Variants in GPC5 observed in about 807,000 individuals in gnomAD.
GPC5 encodes glypican 5.
A neutral mutation model predicts 53.9 loss-of-function variants in GPC5; 47 were observed. That is an observed-to-expected ratio of 0.87 (90% CI 0.69 to 1.11). The LOEUF (loss-of-function observed/expected upper bound fraction) is 1.11. Ranked by LOEUF, GPC5 falls within the 50% of genes most tolerant of loss-of-function variation. The probability of loss-of-function intolerance (pLI) is 0.00; values close to 1 mark genes in which losing one functional copy is unlikely to be tolerated. For missense variants in GPC5, 748 were observed against 713.1 expected, an observed-to-expected ratio of 1.05 and a Z score of -0.56; for synonymous variants, 286 against 263.3, an observed-to-expected ratio of 1.09 and a Z score of -0.84.
intron 2 of GPC5, among the ~76,000 whole-genome samples, chr13:91,520,587 T>C (rs1368307508): frequency 1.3e-5 from 2 of 152,162 alleles, no homozygotes; most frequent in Non-Finnish European, 2.9e-5. Context: ...ACTGCCTTTA[T>C]AGATTTCCAA....
At chr13:92,314,376 A>T (rs1210097455) in intron 7 of GPC5, among the ~76,000 whole-genome samples, 1 of 152,154 alleles carries the variant, frequency 6.6e-6, no homozygotes, top group Non-Finnish European at 1.5e-5. Flanking sequence ...CATTAGTCAC[A>T]CCCCAAAGAG....
chr13:92,675,081 AC>A (rs1886890743), intron 7 of GPC5, among the ~76,000 whole-genome samples: 2 of 152,100 alleles, frequency 1.3e-5, no homozygotes, highest in Admixed American at 1.3e-4. Flanking sequence ...ATACTTCTTT[AC>A]TTTTGATACT....
chr13:92,293,506 G>T (rs764297052), intron 7 of GPC5, among the ~76,000 whole-genome samples: 2 of 145,574 alleles, frequency 1.4e-5, no homozygotes, highest in Non-Finnish European at 3.0e-5. Context: ...GTCGCTGTCA[G>T]TGTGTAAGAA....
chr13:91,846,552 T>C (rs2138882009), intron 5 of GPC5, among the ~76,000 whole-genome samples: 1 of 152,178 alleles, frequency 6.6e-6, no homozygotes, highest in East Asian at 1.9e-4. Context: ...CTTTGTGAAG[T>C]GCAAGTTCAC....
At chr13:92,416,457 A>C (rs1362488690) in intron 7 of GPC5, among the ~76,000 whole-genome samples, 1 of 152,224 alleles carries the variant, frequency 6.6e-6, no homozygotes, top group Non-Finnish European at 1.5e-5. Flanking sequence ...AAGAGCTAAG[A>C]CAAAGCAATG....
At chr13:92,132,027 G>T (rs1376334849) in intron 6 of GPC5, among the ~76,000 whole-genome samples, 1 of 151,828 alleles carries the variant, frequency 6.6e-6, no homozygotes, top group African/African-American at 2.4e-5. Context: ...GTCCACCAAG[G>T]GCAGAATGTA....
intron 6 of GPC5, among the ~76,000 whole-genome samples, chr13:92,027,044 G>A (rs1399199526): frequency 6.6e-6 from 1 of 152,146 alleles, no homozygotes; most frequent in Non-Finnish European, 1.5e-5. Context: ...AAGCAAAATT[G>A]ACTAGATTTT....
intron 7 of GPC5, among the ~76,000 whole-genome samples, chr13:92,545,045 A>G (rs933780819): frequency 1.3e-5 from 2 of 151,880 alleles, no homozygotes; most frequent in Non-Finnish European, 2.9e-5. Flanking sequence ...CATTAGGTAT[A>G]TCTCCTAATG....
intron 6 of GPC5, among the ~76,000 whole-genome samples, chr13:92,127,142 A>C (rs780943338): frequency 1.1e-4 from 17 of 152,094 alleles, no homozygotes; most frequent in Non-Finnish European, 1.9e-4. Context: ...AAGTTTGAGG[A>C]AACAGCGAAA....
At chr13:92,252,390 G>T (rs578173361) in intron 7 of GPC5, among the ~76,000 whole-genome samples, 20 of 152,158 alleles carry the variant, frequency 1.3e-4, no homozygotes, top group African/African-American at 4.8e-4. Context: ...CTGCGTAGAT[G>T]CAGTGAAATT....
At chr13:92,402,078 G>A (rs1007520839) in intron 7 of GPC5, among the ~76,000 whole-genome samples, 3 of 152,066 alleles carry the variant, frequency 2.0e-5, no homozygotes, top group African/African-American at 2.4e-5. Context: ...CCCGGAAAAA[G>A]GAATTACACC....
intron 2 of GPC5, among the ~76,000 whole-genome samples, chr13:91,532,815 A>G (rs530511265): frequency 6.6e-6 from 1 of 152,272 alleles, no homozygotes; most frequent in Admixed American, 6.5e-5. Context: ...CAGTGAGCCA[A>G]GGTAGCCAAG....
At chr13:91,810,038 T>TG (rs1422902644) in intron 5 of GPC5, among the ~76,000 whole-genome samples, 1 of 152,022 alleles carries the variant, frequency 6.6e-6, no homozygotes, top group African/African-American at 2.4e-5. Context: ...TTGTCTTAAG[T>TG]GGTTCTATTC....
At chr13:92,619,270 T>C (rs1884795418) in intron 7 of GPC5, among the ~76,000 whole-genome samples, 1 of 152,012 alleles carries the variant, frequency 6.6e-6, no homozygotes, top group African/African-American at 2.4e-5. Flanking sequence ...ATTTAATTTT[T>C]ATGTCACATT....
At chr13:91,947,102 T>A (rs1328033938) in intron 6 of GPC5, among the ~76,000 whole-genome samples, 4 of 152,166 alleles carry the variant, frequency 2.6e-5, no homozygotes. Context: ...CCCTTTAGTA[T>A]TAAAATGTAG....
intron 6 of GPC5, among the ~76,000 whole-genome samples, chr13:92,102,568 T>C: frequency 6.6e-6 from 1 of 152,106 alleles, no homozygotes; most frequent in East Asian, 1.9e-4. Flanking sequence ...GAAGCAACAT[T>C]AGAGAAGTAG....
At chr13:92,824,196 C>T (rs1877768855) in intron 7 of GPC5, among the ~76,000 whole-genome samples, 2 of 152,158 alleles carry the variant, frequency 1.3e-5, no homozygotes, top group East Asian at 1.9e-4. Flanking sequence ...CACCAGTCTA[C>T]ACACTGCCCT....
chr13:92,055,677 C>A (rs1385475291), intron 6 of GPC5, among the ~76,000 whole-genome samples: 1 of 152,122 alleles, frequency 6.6e-6, no homozygotes, highest in African/African-American at 2.4e-5. Flanking sequence ...AGGGGAAGAA[C>A]CCTGAATTTA....
intron 7 of GPC5, among the ~76,000 whole-genome samples, chr13:92,158,837 G>C (rs932724952): frequency 1.3e-5 from 2 of 152,190 alleles, no homozygotes; most frequent in African/African-American, 4.8e-5. Context: ...CCTCTAAGGA[G>C]AGGAGGCTGG....
Sources: gnomAD v4.1 joint callset for allele counts (sites outside exome capture counted in the v4.1 genomes callset) on GRCh38, gnomAD v4.1.1 for gene constraint, MANE v1.5 for transcripts, NCBI Gene and HGNC (gene_info 2026-07-23, HGNC 2026-07-21) for gene names.